Variants in CNTNAP2 observed in about 807,000 individuals in gnomAD.
CNTNAP2 encodes the protein contactin associated protein 2.
A neutral mutation model predicts 155.2 loss-of-function variants in CNTNAP2; 98 were observed. That is an observed-to-expected ratio of 0.63 (90% CI 0.54 to 0.75). CNTNAP2 has a LOEUF of 0.75. Among genes scored for constraint, CNTNAP2 ranks in the 30% least tolerant of loss-of-function variants. The pLI, the probability that CNTNAP2 is intolerant of heterozygous loss-of-function variation, is 0.00. For synonymous variants in CNTNAP2, 651 were observed against 631.2 expected (o/e 1.03, Z -0.47); for missense variants, 1,727 against 1,688.1 (o/e 1.02, Z -0.40).
intron 15 of CNTNAP2, among the ~76,000 whole-genome samples, chr7:148,068,478 A>G (rs1803312327): frequency 6.6e-6 from 1 of 152,212 alleles, no homozygotes; most frequent in African/African-American, 2.4e-5. Context: ...TGTGTTCAGA[A>G]GTGGACTTTC....
intron 6 of CNTNAP2, among the ~76,000 whole-genome samples, chr7:147,124,876 C>CTTTTTTTTT (rs371912854): frequency 2.6e-4 from 21 of 80,078 alleles, no homozygotes; most frequent in Non-Finnish European, 3.4e-4. Context: ...CCTTTTTTTC[C>CTTTTTTTTT]TTTTTTTTTT....
chr7:148,147,991 AT>A (rs1314454506), intron 17 of CNTNAP2, among the ~76,000 whole-genome samples: 2 of 149,634 alleles, frequency 1.3e-5, no homozygotes, highest in African/African-American at 4.9e-5. Context: ...AATATCTGCA[AT>A]TTTAGGTTTA....
At chr7:147,650,477 C>T (rs977852661) in intron 13 of CNTNAP2, among the ~76,000 whole-genome samples, 6 of 152,138 alleles carry the variant, frequency 3.9e-5, no homozygotes, top group Non-Finnish European at 8.8e-5. Flanking sequence ...CCTCCTCCTC[C>T]TCAGCCTACT....
rs3050514 is a variant in CNTNAP2 at position 147,422,103 on chromosome 7, G to GTATATA, written c.1670+26332_1670+26337dup. 1.3e-4 allele frequency among the ~76,000 whole-genome samples: 18 copies of GTATATA among 138,954 alleles called. No individual in the cohort carries two copies. In the East Asian group the frequency reaches 1.6e-3, roughly 13 times the overall value. The allele number at this position is 138,954 out of a possible 152,430, so 91.2% of individuals were successfully genotyped here. ...TGTGTGTAACTACAGTATATATACA[G>GTATATA]TATATATATATATAGTATGTATATA... is the stretch of plus-strand genomic sequence containing the variant. On this transcript the variant is annotated intron_variant, in intron 10 of 23. Transcript: ENST00000361727.
intron 1 of CNTNAP2, among the ~76,000 whole-genome samples, chr7:146,312,216 T>A (rs1800836728): frequency 6.6e-6 from 1 of 152,202 alleles, no homozygotes; most frequent in African/African-American, 2.4e-5. Context: ...TTTTCTAACA[T>A]CAATTTACTG....
intron 12 of CNTNAP2, among the ~76,000 whole-genome samples, chr7:147,620,167 C>T (rs1801366771): frequency 6.6e-6 from 1 of 152,128 alleles, no homozygotes; most frequent in African/African-American, 2.4e-5. Flanking sequence ...ATCACAATAC[C>T]CAAGTCCTTC....
rs149757145 is a variant in CNTNAP2 at position 148,353,290 on chromosome 7, T to C, written c.3476-30359T>C. ...GAGGAGGAAGCAGTGAGGATTTTACTGGATACTGCAGATGCACTTCCACAT... is the reference window on the plus strand; with the variant it reads ...GAGGAGGAAGCAGTGAGGATTTTACCGGATACTGCAGATGCACTTCCACAT... On this transcript the variant is annotated intron_variant, in intron 21 of 23. Transcript: ENST00000361727. 8.4e-4 allele frequency among the ~76,000 whole-genome samples: 128 copies of C among 152,356 alleles called. 1 individual carries two copies. Among genetic ancestry groups the C allele is most frequent in the Admixed American group, 6.2e-3 (95 of 15,308 alleles).
chr7:147,402,609 C>CA (rs1270752661), intron 10 of CNTNAP2, among the ~76,000 whole-genome samples: 1 of 152,170 alleles, frequency 6.6e-6, no homozygotes, highest in Non-Finnish European at 1.5e-5. Context: ...TCTGATCTAC[C>CA]AGCCATCTAA....
chr7:148,393,179 C>T (rs1007187345), intron 22 of CNTNAP2, among the ~76,000 whole-genome samples: 5 of 152,120 alleles, frequency 3.3e-5, no homozygotes, highest in Non-Finnish European at 7.4e-5. Flanking sequence ...TTCTTTACCA[C>T]CTGCAAGCAC....
chr7:147,236,977 A>T (rs191625715), intron 8 of CNTNAP2, among the ~76,000 whole-genome samples: 74 of 149,568 alleles, frequency 4.9e-4, no homozygotes, highest in Middle Eastern at 7.2e-3. Context: ...TGTCAAAAAC[A>T]TGATGACTTA....
intron 10 of CNTNAP2, among the ~76,000 whole-genome samples, chr7:147,430,458 T>C (rs1797446884): frequency 6.6e-6 from 1 of 152,208 alleles, no homozygotes; most frequent in African/African-American, 2.4e-5. Flanking sequence ...AAAAGTATTC[T>C]CAGAGGTACA....
At chr7:146,337,058 A>G (rs1289958667) in intron 1 of CNTNAP2, among the ~76,000 whole-genome samples, 1 of 152,204 alleles carries the variant, frequency 6.6e-6, no homozygotes, top group African/African-American at 2.4e-5. Context: ...ATCAATGTCA[A>G]TTTCCTGGTT....
chr7:147,950,456 A>G (rs866543886), intron 14 of CNTNAP2, among the ~76,000 whole-genome samples: 4 of 149,664 alleles, frequency 2.7e-5, no homozygotes, highest in South Asian at 4.2e-4. Flanking sequence ...TTCATTGCTA[A>G]TAGCCCTCTT....
At chr7:146,330,657 A>G (rs1219747702) in intron 1 of CNTNAP2, among the ~76,000 whole-genome samples, 2 of 152,216 alleles carry the variant, frequency 1.3e-5, no homozygotes, top group Admixed American at 6.5e-5. Context: ...TAAACTTTTC[A>G]TCGAAAGAGA....
In CNTNAP2 at chr7:147,562,188, A is replaced by G. The variant is rs761336310; in HGVS notation, c.1828A>G (p.Asn610Asp). ...EAYKHLGQTSNYYWIDPDGSG... is the reference protein window; with the variant it reads ...EAYKHLGQTSDYYWIDPDGSG... ...CTACAAACACCTAGGACAGACATCA[A>G]ATTATTACTGGATAGATCCTGATGG... Residue 610 changes from asparagine (N) to aspartate (D), a missense_variant, in exon 12 of 24, where the codon AAT (asparagine) becomes GAT (aspartate). Coordinates refer to ENST00000361727, the MANE Select transcript of CNTNAP2 (RefSeq NM_014141.6). 2.5e-6 allele frequency: 4 copies of G among 1,614,014 alleles called. No individual in the cohort carries two copies. Among genetic ancestry groups the G allele is most frequent in the Non-Finnish European group, 3.4e-6 (4 of 1,179,918 alleles).
chr7:147,610,174 T>G (rs1199629621), intron 12 of CNTNAP2, among the ~76,000 whole-genome samples: 1 of 152,242 alleles, frequency 6.6e-6, no homozygotes, highest in African/African-American at 2.4e-5. Flanking sequence ...TAAAGCATGT[T>G]ATAATGTAAA....
rs187622613 is a variant in CNTNAP2 at position 147,082,364 on chromosome 7, T to C, written c.551-25783T>C. 1.9e-3 allele frequency among the ~76,000 whole-genome samples: 288 copies of C among 152,322 alleles called. 1 individual carries two copies. The highest frequency in any genetic ancestry group is 3.2e-3 in the Non-Finnish European group (219 of 68,038). The stretch of plus-strand genomic sequence containing the variant: ...ACTTTTTTGTTTATAAGGGCTTACT[T>C]GTTACTGAGAACAGAGCCAAAATGG... On this transcript the variant is annotated intron_variant, in intron 4 of 23. Coordinates refer to ENST00000361727, the MANE Select transcript of CNTNAP2 (RefSeq NM_014141.6).
chr7:146,861,091 C>T (rs1194782122), intron 3 of CNTNAP2, among the ~76,000 whole-genome samples: 4 of 152,096 alleles, frequency 2.6e-5, no homozygotes, highest in Admixed American at 2.6e-4. Flanking sequence ...GACCAAGCCT[C>T]ATCCTATTTC....
chr7:147,926,162 T>G (rs1317806620), intron 14 of CNTNAP2, among the ~76,000 whole-genome samples: 1 of 152,140 alleles, frequency 6.6e-6, no homozygotes, highest in African/African-American at 2.4e-5. Flanking sequence ...AAGTCTAGTA[T>G]GAAGAGATAT....
Sources: allele counts gnomAD v4.1 joint callset (sites outside exome capture counted in the v4.1 genomes callset), GRCh38; gene constraint gnomAD v4.1.1; transcripts MANE v1.5; gene names NCBI Gene and HGNC (gene_info 2026-07-23, HGNC 2026-07-21).